The following SDK1 variants were observed in gnomAD, a reference collection of about 807,000 sequenced individuals.
The protein encoded by SDK1 is protein sidekick-1.
SDK1 carries 157 observed loss-of-function variants against 245.5 expected under a neutral mutation model. The ratio of observed to expected loss-of-function variants is 0.64; its 90% CI spans 0.56 to 0.73. The LOEUF (loss-of-function observed/expected upper bound fraction) is 0.73, where lower values mean the gene tolerates loss of function less well. Ranked by LOEUF, SDK1 falls within the 30% of genes least tolerant of loss-of-function variation. The pLI, the probability that SDK1 is intolerant of heterozygous loss-of-function variation, is 0.00. For synonymous variants in SDK1, 1,647 were observed against 1,278.5 expected, an observed-to-expected ratio of 1.29 and a Z score of -6.15; for missense variants, 3,583 against 3,002.3, an observed-to-expected ratio of 1.19 and a Z score of -4.52.
intron 4 of SDK1, among the ~76,000 whole-genome samples, chr7:3,720,389 A>T (rs543729696): frequency 1.3e-5 from 2 of 152,348 alleles, no homozygotes; most frequent in Non-Finnish European, 2.9e-5. Flanking sequence ...AGAACTCAAC[A>T]TTAAAAACCT....
intron 1 of SDK1, among the ~76,000 whole-genome samples, chr7:3,481,113 CATTTT>C (rs922510122): frequency 2.0e-5 from 3 of 152,048 alleles, no homozygotes; most frequent in African/African-American, 7.3e-5. Flanking sequence ...TTATTTTTAC[CATTTT>C]ATTTTGTCCT....
intron 4 of SDK1, among the ~76,000 whole-genome samples, chr7:3,802,442 G>A (rs1157510560): frequency 6.6e-6 from 1 of 152,088 alleles, no homozygotes; most frequent in Non-Finnish European, 1.5e-5. Context: ...GGCTGAGGTG[G>A]GAGGATCACT....
In SDK1 at chr7:4,065,223, T is replaced by G. The variant is rs147711782; in HGVS notation, c.2912-2615T>G. Among the ~76,000 whole-genome samples the G allele has an allele frequency of 4.7e-4, 72 of 152,216 alleles. No individual in the cohort carries two copies. The East Asian group carries it at 0.013, about 27-fold the overall frequency. ...CAATAAAAAAGAAAGTAAAGAAAGCTTCAGACTCTCGGGTGCTGGAGAAAC... is the reference window on the plus strand; with the variant it reads ...CAATAAAAAAGAAAGTAAAGAAAGCGTCAGACTCTCGGGTGCTGGAGAAAC... On this transcript the variant is annotated intron_variant, in intron 19 of 44. Coordinates refer to ENST00000404826, the MANE Select transcript of SDK1 (RefSeq NM_152744.4).
At chr7:4,097,677 T>A (rs1282658787) in intron 22 of SDK1, among the ~76,000 whole-genome samples, 1 of 152,156 alleles carries the variant, frequency 6.6e-6, no homozygotes, top group East Asian at 1.9e-4. Flanking sequence ...CACTTCAAGA[T>A]CTGGGGCTGG....
In SDK1 at chr7:4,113,942, C is replaced by T. The variant is rs926707005; in HGVS notation, c.3586-95C>T. On this transcript the variant is annotated intron_variant, in intron 24 of 44. Coordinates refer to ENST00000404826, the MANE Select transcript of SDK1 (RefSeq NM_152744.4). ...ATTTCCCCCAGGAACACCTCCTCCA[C>T]GGAGTTGGCCTCACAGGGCAGGCCC... 15 of 891,252 alleles carry T rather than the reference C, an allele frequency of 1.7e-5. No individual in the cohort carries two copies. In the East Asian group the frequency reaches 2.0e-4, roughly 12 times the overall value. 55.2% of individuals were successfully genotyped at this position (891,252 alleles called of 1,614,324 possible).
In SDK1 at chr7:3,687,859, C is replaced by T. The variant is rs76013690; in HGVS notation, c.713+45754C>T. On this transcript the variant is annotated intron_variant, in intron 4 of 44. Transcript: ENST00000404826. ...GCTGTTCTATACTTCCGTAAGCTGT[C>T]GTCATTGCAGGAACCTGGATAAAGG... Among the ~76,000 whole-genome samples, 1,137 of 152,196 alleles carry T rather than the reference C, an allele frequency of 7.5e-3. 14 individuals carry two copies. The highest frequency in any genetic ancestry group is 0.026 in the African/African-American group (1,075 of 41,502).
intron 32 of SDK1, among the ~76,000 whole-genome samples, chr7:4,166,613 G>A (rs1047003572): frequency 5.9e-5 from 9 of 152,308 alleles, no homozygotes; most frequent in African/African-American, 2.2e-4. Flanking sequence ...ACCAAACTCC[G>A]GAGAGAATCC....
intron 1 of SDK1, among the ~76,000 whole-genome samples, chr7:3,585,261 A>G (rs1259625228): frequency 6.6e-6 from 1 of 152,162 alleles, no homozygotes; most frequent in Admixed American, 6.5e-5. Context: ...TCAGACATTG[A>G]GCTTTAAGAG....
intron 19 of SDK1, among the ~76,000 whole-genome samples, chr7:4,064,664 C>G (rs1469212537): frequency 3.3e-5 from 5 of 152,146 alleles, no homozygotes; most frequent in Admixed American, 6.5e-5. Context: ...TCAACCCAAG[C>G]GTCCATCAGT....
At chr7:3,401,216 T>G (rs2128573409) in intron 1 of SDK1, among the ~76,000 whole-genome samples, 1 of 152,318 alleles carries the variant, frequency 6.6e-6, no homozygotes, top group South Asian at 2.1e-4. Flanking sequence ...TCAAGAGGTC[T>G]TCTAGAATAA....
chr7:3,842,525 G>A (rs544429755), intron 5 of SDK1, among the ~76,000 whole-genome samples: 3 of 152,144 alleles, frequency 2.0e-5, no homozygotes, highest in Non-Finnish European at 4.4e-5. Context: ...TGACCACGAG[G>A]TGCCTGGGTT....
At chr7:3,832,838 A>C (rs994686906) in intron 5 of SDK1, among the ~76,000 whole-genome samples, 1 of 152,042 alleles carries the variant, frequency 6.6e-6, no homozygotes, top group African/African-American at 2.4e-5. Context: ...TTAGCACAAA[A>C]TTAGTTCCTT....
At chr7:3,986,282 C>G (rs1783820729) in intron 13 of SDK1, among the ~76,000 whole-genome samples, 1 of 151,494 alleles carries the variant, frequency 6.6e-6, no homozygotes, top group African/African-American at 2.4e-5. Context: ...CTGATGTGTT[C>G]TTTACCATTT....
rs374844422 is a variant in SDK1 at position 4,051,752 on chromosome 7, T to C, written c.2833T>C (p.Phe945Leu). 2.5e-6 allele frequency: 4 copies of C among 1,614,034 alleles called. No individual in the cohort carries two copies. Among genetic ancestry groups the C allele is most frequent in the Non-Finnish European group, 3.4e-6 (4 of 1,179,974 alleles). Reference protein sequence around the residue: ...ITNLKKFTAYFTSVLCFTTPG... With the variant: ...ITNLKKFTAYLTSVLCFTTPG... The stretch of plus-strand genomic sequence containing the variant: ...GAACCTGAAGAAGTTTACCGCCTAC[T>C]TCACTTCCGTTCTGTGCTTCACCAC... The change falls in exon 19 of 45, where the codon TTC (phenylalanine) becomes CTC (leucine). Residue 945 changes from phenylalanine (F) to leucine (L), a missense_variant. Phe to Leu is a conservative substitution (Grantham distance 22). Transcript: ENST00000404826.
At chr7:3,676,933 G>C (rs1015384427) in intron 4 of SDK1, among the ~76,000 whole-genome samples, 1 of 152,088 alleles carries the variant, frequency 6.6e-6, no homozygotes, top group Admixed American at 6.6e-5. Context: ...GTTTGAAGTT[G>C]GGTAATGTGA....
intron 1 of SDK1, among the ~76,000 whole-genome samples, chr7:3,463,282 T>C (rs1192554578): frequency 6.6e-6 from 1 of 152,206 alleles, no homozygotes; most frequent in Admixed American, 6.5e-5. Context: ...TGTTTTTGTT[T>C]TTGTTTTTTC....
intron 4 of SDK1, among the ~76,000 whole-genome samples, chr7:3,765,494 G>GTGAATGGTTTGTTTTC (rs1780228690): frequency 6.6e-6 from 1 of 152,192 alleles, no homozygotes; most frequent in Admixed American, 6.5e-5. Context: ...CTGCGCTGTG[G>GTGAATGGTTTGTTTTC]TGAATGGTTT....
chr7:3,816,814 C>G (rs1400765204), intron 4 of SDK1, among the ~76,000 whole-genome samples: 4 of 151,972 alleles, frequency 2.6e-5, no homozygotes, highest in African/African-American at 9.7e-5. Flanking sequence ...TGGAATCAAC[C>G]CTTTTAAAAG....
intron 38 of SDK1, among the ~76,000 whole-genome samples, chr7:4,214,143 G>T (rs1356773751): frequency 1.3e-5 from 2 of 152,078 alleles, no homozygotes; most frequent in Non-Finnish European, 2.9e-5. Flanking sequence ...GACGAGGGTT[G>T]GGATTTGAAC....
Sources: gnomAD v4.1 joint callset for allele counts (sites outside exome capture counted in the v4.1 genomes callset) on GRCh38, gnomAD v4.1.1 for gene constraint, MANE v1.5 for transcripts, NCBI Gene and HGNC (gene_info 2026-07-23, HGNC 2026-07-21) for gene names.